Variants in NAALADL2 observed in about 807,000 individuals in gnomAD.
NAALADL2 encodes the protein inactive N-acetylated-alpha-linked acidic dipeptidase-like protein 2.
In NAALADL2, 76 loss-of-function variants were observed where a neutral mutation model predicts 87.2. The ratio of observed to expected loss-of-function variants is 0.87; its 90% CI spans 0.72 to 1.05. The LOEUF is 1.05. NAALADL2 is among the 50% of genes least tolerant of loss of function. The pLI, the probability that NAALADL2 is intolerant of heterozygous loss-of-function variation, is 0.00. For synonymous variants in NAALADL2, 354 were observed against 331.0 expected (o/e 1.07, Z -0.75); for missense variants, 1,089 against 945.8 (o/e 1.15, Z -1.99).
intron 11 of NAALADL2, among the ~76,000 whole-genome samples, chr3:175,685,003 A>G (rs1442647955): frequency 1.3e-5 from 2 of 152,162 alleles, no homozygotes; most frequent in African/African-American, 4.8e-5. Context: ...TTTGTTGGAA[A>G]GTTTTATAGG....
At chr3:174,941,257 C>G (rs895851060) in intron 1 of NAALADL2, among the ~76,000 whole-genome samples, 4 of 151,988 alleles carry the variant, frequency 2.6e-5, no homozygotes, top group African/African-American at 4.8e-5. Context: ...CTTTATTTAC[C>G]CAAAACTCAT....
intron 5 of NAALADL2, among the ~76,000 whole-genome samples, chr3:175,337,222 TTAGGTGGTAAGGTGGTATTAGGTC>T (rs1339202659): frequency 2.7e-5 from 4 of 149,676 alleles, no homozygotes. Context: ...GGTCTGTGTA[TTAGGTGGTAAGGTGGTATTAGGTC>T]TAGGTGGTAT....
intron 2 of NAALADL2, among the ~76,000 whole-genome samples, chr3:174,551,902 A>G (rs1421331980): frequency 6.6e-6 from 1 of 152,222 alleles, no homozygotes; most frequent in East Asian, 1.9e-4. Flanking sequence ...TGGCTTTGGT[A>G]TCCACGGTCC....
chr3:174,988,381 T>C (rs1464628194), intron 1 of NAALADL2, among the ~76,000 whole-genome samples: 1 of 152,172 alleles, frequency 6.6e-6, no homozygotes, highest in East Asian at 1.9e-4. Context: ...ACAAATAGTG[T>C]TTCATAATCC....
At chr3:174,563,246 T>C (rs1256087169) in intron 2 of NAALADL2, among the ~76,000 whole-genome samples, 2 of 151,760 alleles carry the variant, frequency 1.3e-5, no homozygotes, top group African/African-American at 4.8e-5. Context: ...ATCTTTAGCA[T>C]GTTTATTTCT....
chr3:174,683,137 T>C (rs902214246), intron 2 of NAALADL2, among the ~76,000 whole-genome samples: 1 of 152,124 alleles, frequency 6.6e-6, no homozygotes, highest in East Asian at 1.9e-4. Flanking sequence ...GAAGAATGCA[T>C]GCAGCATAAT....
chr3:174,558,683 T>C (rs907682479), intron 2 of NAALADL2, among the ~76,000 whole-genome samples: 3 of 152,114 alleles, frequency 2.0e-5, no homozygotes, highest in Non-Finnish European at 4.4e-5. Flanking sequence ...TAAATACAGA[T>C]GAAGCTTTGC....
At chr3:174,681,654 A>G (rs1360991711) in intron 2 of NAALADL2, among the ~76,000 whole-genome samples, 2 of 152,046 alleles carry the variant, frequency 1.3e-5, no homozygotes, top group African/African-American at 4.8e-5. Flanking sequence ...TTTGCTGGCT[A>G]CTCGCCATGA....
intron 1 of NAALADL2, among the ~76,000 whole-genome samples, chr3:174,961,670 A>G (rs1309837373): frequency 6.6e-6 from 1 of 152,054 alleles, no homozygotes; most frequent in African/African-American, 2.4e-5. Flanking sequence ...CACTACTAGG[A>G]TTATAGTCTT....
At chr3:174,949,974 T>C (rs1336205797) in intron 1 of NAALADL2, among the ~76,000 whole-genome samples, 6 of 152,244 alleles carry the variant, frequency 3.9e-5, no homozygotes, top group Middle Eastern at 6.8e-3. Flanking sequence ...ATTGGAACCA[T>C]TGAGGGCAGG....
At chr3:175,425,163 A>G (rs1352575594) in intron 5 of NAALADL2, among the ~76,000 whole-genome samples, 2 of 152,172 alleles carry the variant, frequency 1.3e-5, no homozygotes, top group Non-Finnish European at 2.9e-5. Flanking sequence ...GGAACCATTC[A>G]CAAATACGGT....
At chr3:175,196,697 C>T (rs905109902) in intron 2 of NAALADL2, among the ~76,000 whole-genome samples, 15 of 151,948 alleles carry the variant, frequency 9.9e-5, no homozygotes, top group African/African-American at 3.6e-4. Context: ...GAGGTAAAAA[C>T]GTATTTCACA....
chr3:175,566,208 T>C (rs1270031282), intron 9 of NAALADL2, among the ~76,000 whole-genome samples: 1 of 152,186 alleles, frequency 6.6e-6, no homozygotes, highest in Non-Finnish European at 1.5e-5. Flanking sequence ...ACGTAACATA[T>C]AGTTCAGAGG....
intron 2 of NAALADL2, among the ~76,000 whole-genome samples, chr3:175,177,847 ATG>A (rs3066287): frequency 6.6e-6 from 1 of 151,104 alleles, no homozygotes. Flanking sequence ...GTGTGTGTGT[ATG>A]TGTGTGTGTG....
At chr3:175,718,227 T>TTTTTTTTTTTTTTAAA in intron 11 of NAALADL2, 1 of 1,037,684 alleles carries the variant, frequency 9.6e-7, no homozygotes, top group Non-Finnish European at 1.4e-6. Flanking sequence ...TTTTTTTGAT[T>TTTTTTTTTTTTTTAAA]AGTTGCTGTA....
chr3:174,715,949 T>A (rs887264522), intron 2 of NAALADL2, among the ~76,000 whole-genome samples: 27 of 152,170 alleles, frequency 1.8e-4, no homozygotes, highest in African/African-American at 6.5e-4. Context: ...CATAATTCAT[T>A]ACATTTTTTT....
At chr3:174,668,828 A>G in intron 2 of NAALADL2, among the ~76,000 whole-genome samples, 1 of 152,114 alleles carries the variant, frequency 6.6e-6, no homozygotes, top group African/African-American at 2.4e-5. Context: ...TCATTGTTGG[A>G]CATTTGGGTT....
At chr3:174,757,281 C>T (rs554643085) in intron 3 of NAALADL2, among the ~76,000 whole-genome samples, 2 of 152,222 alleles carry the variant, frequency 1.3e-5, no homozygotes, top group East Asian at 3.9e-4. Flanking sequence ...TAGGTGGTAG[C>T]AGTGAGACTA....
At chr3:175,327,580 A>C (rs781738796) in intron 5 of NAALADL2, among the ~76,000 whole-genome samples, 33 of 152,178 alleles carry the variant, frequency 2.2e-4, no homozygotes, top group Non-Finnish European at 3.8e-4. Context: ...AAATTCAGTG[A>C]TGGGTAACTC....
Sources: gnomAD v4.1 joint callset for allele counts (sites outside exome capture counted in the v4.1 genomes callset) on GRCh38, gnomAD v4.1.1 for gene constraint, MANE v1.5 for transcripts, NCBI Gene and HGNC (gene_info 2026-07-23, HGNC 2026-07-21) for gene names.